GFRA2: variants seen among roughly 807,000 people sequenced by gnomAD.
The protein encoded by GFRA2 is GDNF family receptor alpha-2.
A neutral mutation model predicts 48.3 loss-of-function variants in GFRA2; 17 were observed. The observed-to-expected ratio is 0.35, with a 90% confidence interval of 0.24 to 0.53. GFRA2 has a LOEUF of 0.53. GFRA2 is among the 20% of genes least tolerant of loss of function. The pLI, the probability that GFRA2 is intolerant of heterozygous loss-of-function variation, is 0.93. For synonymous variants in GFRA2, 305 were observed against 257.2 expected (o/e 1.19, Z -1.78); for missense variants, 660 against 637.3 (o/e 1.04, Z -0.38).
chr8:21,746,941 C>T (rs1805036012), intron 4 of GFRA2, among the ~76,000 whole-genome samples: 1 of 152,202 alleles, frequency 6.6e-6, no homozygotes, highest in South Asian at 2.1e-4. Flanking sequence ...TCCATTGTCA[C>T]ATTATCCACC....
chr8:21,737,305 GTTGCAGTCAGCCAAGATCACGCCA>G (rs1335093298), intron 4 of GFRA2, among the ~76,000 whole-genome samples: 1 of 152,030 alleles, frequency 6.6e-6, no homozygotes, highest in Non-Finnish European at 1.5e-5. Flanking sequence ...GGAGGTGGAG[GTTGCAGTCAGCCAAGATCACGCCA>G]TTGCAGTCCA....
intron 3 of GFRA2, among the ~76,000 whole-genome samples, chr8:21,754,480 C>T (rs902933633): frequency 1.3e-5 from 2 of 150,286 alleles, no homozygotes; most frequent in African/African-American, 4.9e-5. Flanking sequence ...AACACTTTGT[C>T]TGACCAACAA....
intron 4 of GFRA2, among the ~76,000 whole-genome samples, chr8:21,741,924 A>C (rs1382611897): frequency 7.0e-6 from 1 of 143,814 alleles, no homozygotes; most frequent in Non-Finnish European, 1.5e-5. Flanking sequence ...CCATCTCAAA[A>C]AAAAAAAAAA....
chr8:21,784,184 C>T, intron 1 of GFRA2: 1 of 418,328 alleles, frequency 2.4e-6, no homozygotes, highest in South Asian at 1.6e-5. Flanking sequence ...CAGGGACAGG[C>T]TCGCCTGATC....
intron 4 of GFRA2, among the ~76,000 whole-genome samples, chr8:21,719,456 A>AAT (rs57427508): frequency 0.23 from 34,697 of 152,104 alleles, 4,137 homozygotes; most frequent in African/African-American, 0.3. Flanking sequence ...GAGGAGAAAG[A>AAT]ATTAAACGTA....
rs995149383 is a variant in GFRA2, at chr8:21,771,186, C to T, written c.439+3786G>A. ...CATAGGCACCACAGCTCAAAAAGGCCACAGTGAGCCCCAAGATCACACACC... is the reference window on the plus strand; with the variant it reads ...CATAGGCACCACAGCTCAAAAAGGCTACAGTGAGCCCCAAGATCACACACC... On this transcript the variant is annotated intron_variant, in intron 3 of 8. Transcript: ENST00000524240. Among the ~76,000 whole-genome samples the T allele has an allele frequency of 7.7e-4, 117 of 152,222 alleles. 1 individual carries two copies. Among genetic ancestry groups the T allele is most frequent in the African/African-American group, 2.6e-3 (107 of 41,520 alleles).
Position 21,788,548 on chromosome 8 carries a change from A to G in GFRA2, c.-389T>C. ...AGGAGGGGCCTGGGGAGGTGGGGAG[A>G]GAGGCGATTTGCGAGTGAAGGGCTG... On this transcript the variant is annotated 5_prime_UTR_variant, in exon 1 of 9. Coordinates refer to ENST00000524240, the MANE Select transcript of GFRA2 (RefSeq NM_001495.5). The G allele has an allele frequency of 9.8e-7, 1 of 1,016,414 alleles. No homozygotes were observed. The highest frequency in any genetic ancestry group is 1.2e-6 in the Non-Finnish European group (1 of 851,100). The allele number at this position is 1,016,414 out of a possible 1,614,324, so 63.0% of individuals were successfully genotyped here. A position where few individuals can be genotyped will look rare whatever the true frequency, so the allele number is the denominator to read the frequency against.
intron 4 of GFRA2, among the ~76,000 whole-genome samples, chr8:21,715,198 T>C (rs1803271005): frequency 6.6e-6 from 1 of 152,200 alleles, no homozygotes; most frequent in Non-Finnish European, 1.5e-5. Context: ...TTCCTGTTTA[T>C]TCTTTAACTG....
intron 4 of GFRA2, among the ~76,000 whole-genome samples, chr8:21,714,246 C>CTTTTCTTTTT (rs1803218368): frequency 1.3e-5 from 1 of 78,400 alleles, no homozygotes; most frequent in Non-Finnish European, 2.2e-5. Flanking sequence ...GTCTGAAGTT[C>CTTTTCTTTTT]TTTTTTTTTT....
At chr8:21,734,009 G>A (rs139903585) in intron 4 of GFRA2, among the ~76,000 whole-genome samples, 25 of 152,292 alleles carry the variant, frequency 1.6e-4, no homozygotes, top group South Asian at 2.1e-4. Flanking sequence ...GGACCAAAAC[G>A]ATGCAGGCCT....
At chr8:21,734,017 C>G (rs1804330530) in intron 4 of GFRA2, among the ~76,000 whole-genome samples, 2 of 152,190 alleles carry the variant, frequency 1.3e-5, no homozygotes, top group African/African-American at 4.8e-5. Flanking sequence ...ACGATGCAGG[C>G]CTGAGTCCTC....
intron 4 of GFRA2, among the ~76,000 whole-genome samples, chr8:21,714,246 C>CTGTTTTTTTT (rs1554487215): frequency 1.3e-5 from 1 of 78,400 alleles, no homozygotes; most frequent in Non-Finnish European, 2.2e-5. Context: ...GTCTGAAGTT[C>CTGTTTTTTTT]TTTTTTTTTT....
intron 4 of GFRA2, among the ~76,000 whole-genome samples, chr8:21,709,926 A>G (rs994725505): frequency 1.3e-5 from 2 of 152,202 alleles, no homozygotes; most frequent in Non-Finnish European, 2.9e-5. Flanking sequence ...CCTTTGGGAA[A>G]TCCCAAATAT....
intron 4 of GFRA2, among the ~76,000 whole-genome samples, chr8:21,722,557 C>A (rs1341042885): frequency 6.6e-6 from 1 of 152,174 alleles, no homozygotes; most frequent in Admixed American, 6.5e-5. Context: ...CAGAATACAG[C>A]ATCCAGGGAG....
At chr8:21,775,747 G>A (rs892911761) in intron 2 of GFRA2, among the ~76,000 whole-genome samples, 3 of 152,154 alleles carry the variant, frequency 2.0e-5, no homozygotes, top group Non-Finnish European at 2.9e-5. Flanking sequence ...CTCCTGCAGG[G>A]CCCTCCTGTT....
rs1159867192 is a variant in GFRA2, at chr8:21,797,287, C to CTTTTTTT, written c.-36+7723_-36+7729dup. On this transcript the variant is annotated intron_variant, in intron 2 of 10. Coordinates refer to the GFRA2 transcript ENST00000517328. The stretch of plus-strand genomic sequence containing the variant: ...TCTTTCTTTTTTTTTCCTTTCTTTG[C>CTTTTTTT]TTTTTTTTTTTTTTTTTTTTTTTGA... Among the ~76,000 whole-genome samples, 625 of 85,656 alleles carry CTTTTTTT rather than the reference C, an allele frequency of 7.3e-3. 8 individuals carry two copies. The highest frequency in any genetic ancestry group is 0.034 in the East Asian group (83 of 2,428). The allele number at this position is 85,656 out of a possible 152,430, so 56.2% of individuals were successfully genotyped here.
chr8:21,750,617 A>C lies in GFRA2; in HGVS notation c.765T>G (p.Arg255=). The change falls in exon 4 of 9, where the codon CGT becomes CGG. Residue 255 remains arginine (R), a synonymous_variant. Transcript: ENST00000524240. The surrounding 1 kb of genome is among the most constrained non-coding windows in gnomAD (Gnocchi z 5.7). ...DKEKPNCLDL[R]GVCRTDHLCR... ...ACAGGTGGTCAGTCCGGCACACGCC[A>C]CGCAGGTCCAGGCAGTTGGGCTTCT... 6.2e-7 allele frequency: 1 copy of C among 1,611,612 alleles called. No homozygotes were observed. The highest frequency in any genetic ancestry group is 8.5e-7 in the Non-Finnish European group (1 of 1,178,572).
chr8:21,715,034 T>C (rs906109007), intron 4 of GFRA2, among the ~76,000 whole-genome samples: 2 of 152,224 alleles, frequency 1.3e-5, no homozygotes, highest in African/African-American at 2.4e-5. Flanking sequence ...TTCAATGTGA[T>C]GTGACACTGA....
intron 1 of GFRA2, among the ~76,000 whole-genome samples, chr8:21,784,901 G>A (rs1807192467): frequency 6.6e-6 from 1 of 152,076 alleles, no homozygotes; most frequent in Non-Finnish European, 1.5e-5. Context: ...CAGGACCCGC[G>A]TACAGCCGGG....
Sources: gnomAD v4.1 joint callset for allele counts (sites outside exome capture counted in the v4.1 genomes callset) on GRCh38, gnomAD v4.1.1 for gene constraint, Gnocchi (gnomAD v3.1) non-coding constraint, MANE v1.5 for transcripts, NCBI Gene and HGNC (gene_info 2026-07-23, HGNC 2026-07-21) for gene names.